NEGR1: variants seen among roughly 807,000 people sequenced by gnomAD.
NEGR1 encodes neuronal growth regulator 1, also known as IgLON family member 4.
A neutral mutation model predicts 40.9 loss-of-function variants in NEGR1; 10 were observed. That is an observed-to-expected ratio of 0.24 (90% confidence interval 0.15 to 0.42). The LOEUF (loss-of-function observed/expected upper bound fraction) is 0.42, where lower values mean the gene tolerates loss of function less well. NEGR1 is among the 10% of genes least tolerant of loss of function. The pLI is 1.00. For synonymous variants in NEGR1, 185 were observed against 166.8 expected, an observed-to-expected ratio of 1.11 and a Z score of -0.84; for missense variants, 352 against 438.9, an observed-to-expected ratio of 0.80 and a Z score of 1.77.
chr1:72,231,526 T>C (rs1181511459), intron 1 of NEGR1, among the ~76,000 whole-genome samples: 3 of 152,194 alleles, frequency 2.0e-5, no homozygotes, highest in Admixed American at 6.6e-5. Flanking sequence ...CTTACAACTA[T>C]AGTATTATGT....
At chr1:71,927,349 G>C (rs1049524853) in intron 2 of NEGR1, among the ~76,000 whole-genome samples, 2 of 152,032 alleles carry the variant, frequency 1.3e-5, no homozygotes, top group Non-Finnish European at 2.9e-5. Flanking sequence ...TTTCTGTCAA[G>C]GTATATTTGG....
At chr1:71,755,828 TG>T (rs965692948) in intron 3 of NEGR1, among the ~76,000 whole-genome samples, 1 of 152,176 alleles carries the variant, frequency 6.6e-6, no homozygotes, top group African/African-American at 2.4e-5. Flanking sequence ...TTCCTCTTAT[TG>T]CTATATACTT....
intron 1 of NEGR1, among the ~76,000 whole-genome samples, chr1:72,136,742 CAA>C (rs1284975903): frequency 2.7e-5 from 4 of 149,466 alleles, no homozygotes; most frequent in Admixed American, 1.3e-4. Flanking sequence ...CCAAAATAGA[CAA>C]ATGGGATCTA....
chr1:72,034,891 T>C (rs1646889123), intron 1 of NEGR1, among the ~76,000 whole-genome samples: 1 of 152,078 alleles, frequency 6.6e-6, no homozygotes, highest in East Asian at 1.9e-4. Flanking sequence ...ATATGCAAAC[T>C]AGGAGCTTTT....
At chr1:71,919,919 A>G (rs1404932440) in intron 2 of NEGR1, among the ~76,000 whole-genome samples, 1 of 152,180 alleles carries the variant, frequency 6.6e-6, no homozygotes, top group East Asian at 1.9e-4. Flanking sequence ...TGACACTCAT[A>G]ACTGCTGCTT....
At chr1:71,898,974 TATA>T (rs1557692871) in intron 2 of NEGR1, among the ~76,000 whole-genome samples, 1 of 40,326 alleles carries the variant, frequency 2.5e-5, no homozygotes, top group African/African-American at 1.1e-4. Context: ...CATATATATA[TATA>T]TAGCATATAT....
chr1:71,822,038 G>A (rs1335327541), intron 2 of NEGR1, among the ~76,000 whole-genome samples: 1 of 151,838 alleles, frequency 6.6e-6, no homozygotes, highest in Non-Finnish European at 1.5e-5. Context: ...TTGTATGTGA[G>A]TGTGAGCCAA....
At chr1:71,896,609 A>G (rs1481855882) in intron 2 of NEGR1, among the ~76,000 whole-genome samples, 1 of 152,134 alleles carries the variant, frequency 6.6e-6, no homozygotes. Context: ...AATCTAAAAA[A>G]CCATTGCCTA....
intron 1 of NEGR1, among the ~76,000 whole-genome samples, chr1:72,022,552 C>CAT (rs1302352925): frequency 2.9e-4 from 44 of 149,848 alleles, no homozygotes; most frequent in Admixed American, 1.4e-3. Context: ...TAAACACACA[C>CAT]ATATATATAT....
At chr1:71,504,861 C>G (rs150300207) in intron 6 of NEGR1, among the ~76,000 whole-genome samples, 1 of 152,048 alleles carries the variant, frequency 6.6e-6, no homozygotes, top group Non-Finnish European at 1.5e-5. Context: ...CCTCCTGGGT[C>G]AAAACCTGAT....
At chr1:71,729,440 T>C (rs1654780692) in intron 3 of NEGR1, among the ~76,000 whole-genome samples, 1 of 152,182 alleles carries the variant, frequency 6.6e-6, no homozygotes, top group South Asian at 2.1e-4. Context: ...ATCTTCTGTC[T>C]TCTTTACTGG....
Position 71,580,713 on chromosome 1 carries a change from C to A in NEGR1, c.940+12104G>T, listed in dbSNP as rs10082283. ...GTATAAATCCCTACCAGGAGCCAGG[C>A]ACTTTATGTCTATCTTACTTAATTC... On this transcript the variant is annotated intron_variant, in intron 6 of 6. Coordinates refer to ENST00000357731, the MANE Select transcript of NEGR1 (RefSeq NM_173808.3). 2.0e-5 allele frequency among the ~76,000 whole-genome samples: 3 copies of A among 152,174 alleles called. No homozygotes were observed. In the South Asian group the frequency reaches 6.2e-4, roughly 32 times the overall value.
chr1:72,199,813 G>A (rs1163365750), intron 1 of NEGR1, among the ~76,000 whole-genome samples: 1 of 151,680 alleles, frequency 6.6e-6, no homozygotes, highest in South Asian at 2.1e-4. Context: ...AAATCTATGA[G>A]GAACTTAAAT....
intron 6 of NEGR1, among the ~76,000 whole-genome samples, chr1:71,490,857 A>G (rs1646923278): frequency 6.6e-6 from 1 of 152,032 alleles, no homozygotes; most frequent in South Asian, 2.1e-4. Flanking sequence ...TGAGTTGCTG[A>G]ATTAACCCAC....
chr1:72,207,062 C>A (rs1466493458), intron 1 of NEGR1, among the ~76,000 whole-genome samples: 9 of 133,670 alleles, frequency 6.7e-5, no homozygotes, highest in African/African-American at 1.4e-4. Flanking sequence ...GTTTGAAGAA[C>A]ATGTTTAGGA....
At chr1:71,416,908 T>A (rs1250835253) in intron 6 of NEGR1, among the ~76,000 whole-genome samples, 3 of 152,178 alleles carry the variant, frequency 2.0e-5, no homozygotes, top group Admixed American at 6.5e-5. Context: ...GCTCACAAAG[T>A]TAGAATCTGA....
At chr1:71,452,045 T>C (rs182602464) in intron 6 of NEGR1, among the ~76,000 whole-genome samples, 2 of 152,314 alleles carry the variant, frequency 1.3e-5, no homozygotes, top group African/African-American at 4.8e-5. Flanking sequence ...AGACAGTCTT[T>C]CATTGCAAAT....
At chr1:71,994,548 A>C (rs199843765) in intron 1 of NEGR1, among the ~76,000 whole-genome samples, 10,829 of 57,246 alleles carry the variant, frequency 0.19, 448 homozygotes, top group African/African-American at 0.32. Context: ...CAAAACAAAC[A>C]AAAAAAAAAA....
intron 1 of NEGR1, among the ~76,000 whole-genome samples, chr1:71,964,406 T>C (rs1205232939): frequency 6.6e-6 from 1 of 152,140 alleles, no homozygotes; most frequent in Admixed American, 6.6e-5. Context: ...AGGATGTTTG[T>C]TTTTGGAATC....
Sources: allele counts gnomAD v4.1 joint callset (sites outside exome capture counted in the v4.1 genomes callset), GRCh38; gene constraint gnomAD v4.1.1; transcripts MANE v1.5; gene names NCBI Gene and HGNC (gene_info 2026-07-23, HGNC 2026-07-21).